The following DIP2C variants were observed in gnomAD, a reference collection of about 807,000 sequenced individuals.
DIP2C encodes the protein disco-interacting protein 2 homolog C.
DIP2C carries 33 observed loss-of-function variants against 192.4 expected under a neutral mutation model. The observed-to-expected ratio is 0.17, with a 90% CI of 0.13 to 0.23. The LOEUF (loss-of-function observed/expected upper bound fraction) is 0.23, where lower values mean the gene tolerates loss of function less well. Among genes scored for constraint, DIP2C ranks in the 10% least tolerant of loss-of-function variants. The pLI is 1.00. For synonymous variants in DIP2C, 979 were observed against 864.1 expected (o/e 1.13, Z -2.33); for missense variants, 1,537 against 2,110.1 (o/e 0.73, Z 5.32).
intron 1 of DIP2C, among the ~76,000 whole-genome samples, chr10:638,441 ACTCT>A (rs761693627): frequency 1.3e-5 from 2 of 152,182 alleles, no homozygotes; most frequent in Non-Finnish European, 2.9e-5. Context: ...AAAAATGGTC[ACTCT>A]AACAGGAAAC....
At chr10:505,883 C>T (rs944111473) in intron 1 of DIP2C, among the ~76,000 whole-genome samples, 1 of 152,224 alleles carries the variant, frequency 6.6e-6, no homozygotes, top group African/African-American at 2.4e-5. Context: ...CATGTGCCTA[C>T]ACTGACAGCT....
chr10:400,051 AT>A (rs1252747804), intron 9 of DIP2C, among the ~76,000 whole-genome samples: 1 of 151,966 alleles, frequency 6.6e-6, no homozygotes, highest in African/African-American at 2.4e-5. Flanking sequence ...AGATATTATG[AT>A]TTTTTTTCTA....
chr10:456,946 A>G (rs1969351728), intron 3 of DIP2C, among the ~76,000 whole-genome samples: 1 of 152,244 alleles, frequency 6.6e-6, no homozygotes, highest in Non-Finnish European at 1.5e-5. Context: ...TGCCATGTCC[A>G]GGCTATTGAT....
chr10:593,275 A>G, intron 1 of DIP2C, among the ~76,000 whole-genome samples: 1 of 151,970 alleles, frequency 6.6e-6, no homozygotes, highest in Non-Finnish European at 1.5e-5. Context: ...ACTTTCCTAA[A>G]TCTGACTTCA....
intron 31 of DIP2C, among the ~76,000 whole-genome samples, chr10:310,299 C>G (rs1956514897): frequency 6.6e-6 from 1 of 152,198 alleles, no homozygotes; most frequent in Non-Finnish European, 1.5e-5. Flanking sequence ...TAGGATAATA[C>G]TGGATTCACA....
chr10:556,862 T>C (rs907939656), intron 1 of DIP2C, among the ~76,000 whole-genome samples: 2 of 152,228 alleles, frequency 1.3e-5, no homozygotes, highest in Non-Finnish European at 2.9e-5. Flanking sequence ...AAGGGATCTG[T>C]GCACCTGAGT....
chr10:624,176 A>T (rs911490554), intron 1 of DIP2C, among the ~76,000 whole-genome samples: 10 of 152,142 alleles, frequency 6.6e-5, no homozygotes, highest in Admixed American at 4.6e-4. Flanking sequence ...GGATGGAGGG[A>T]TCTGTTATCT....
intron 7 of DIP2C, among the ~76,000 whole-genome samples, chr10:415,354 G>A (rs1188573136): frequency 1.3e-5 from 2 of 152,148 alleles, no homozygotes; most frequent in Non-Finnish European, 2.9e-5. Context: ...GGAGCATTCA[G>A]GGGCAAAGGC....
chr10:426,083 T>C (rs1966579377), intron 4 of DIP2C, among the ~76,000 whole-genome samples: 2 of 152,212 alleles, frequency 1.3e-5, no homozygotes, highest in African/African-American at 2.4e-5. Flanking sequence ...AGTGCCTTTA[T>C]TCATAGATGA....
At chr10:428,390 A>G (rs1216872657) in intron 4 of DIP2C, among the ~76,000 whole-genome samples, 2 of 152,148 alleles carry the variant, frequency 1.3e-5, no homozygotes, top group Non-Finnish European at 2.9e-5. Context: ...GTGTCGTTTC[A>G]TCCGTGTTTA....
intron 1 of DIP2C, among the ~76,000 whole-genome samples, chr10:610,525 C>T (rs192332944): frequency 3.3e-5 from 5 of 152,346 alleles, no homozygotes; most frequent in South Asian, 2.1e-4. Context: ...AATATAGGGA[C>T]GTATCAAGGT....
chr10:676,115 A>G (rs1830866640), intron 1 of DIP2C, among the ~76,000 whole-genome samples: 1 of 152,198 alleles, frequency 6.6e-6, no homozygotes, highest in Non-Finnish European at 1.5e-5. Flanking sequence ...ACAAACACAA[A>G]CCAATAAACA....
intron 29 of DIP2C, among the ~76,000 whole-genome samples, chr10:335,384 C>T (rs951061928): frequency 2.0e-5 from 3 of 152,188 alleles, no homozygotes; most frequent in Admixed American, 2.0e-4. Context: ...AACACCTAAG[C>T]CATCAAAATC....
intron 32 of DIP2C, among the ~76,000 whole-genome samples, chr10:308,674 G>A (rs1279351673): frequency 6.6e-6 from 1 of 152,224 alleles, no homozygotes; most frequent in Non-Finnish European, 1.5e-5. Context: ...TGGCCTTGGG[G>A]GCAGGCGTTG....
chr10:482,148 C>A (rs1319494863), intron 2 of DIP2C, among the ~76,000 whole-genome samples: 2 of 152,188 alleles, frequency 1.3e-5, no homozygotes, highest in Non-Finnish European at 2.9e-5. Flanking sequence ...AAGTGCACGG[C>A]CTGAGCAGAG....
chr10:278,824 C>T (rs1954662242), intron 36 of DIP2C, among the ~76,000 whole-genome samples: 1 of 152,076 alleles, frequency 6.6e-6, no homozygotes, highest in South Asian at 2.1e-4. Context: ...GTTTAAGGGC[C>T]CTGACATTCA....
At chr10:619,174 G>A (rs750273150) in intron 1 of DIP2C, among the ~76,000 whole-genome samples, 7 of 152,096 alleles carry the variant, frequency 4.6e-5, no homozygotes, top group East Asian at 1.9e-4. Context: ...TCCCCCTAAC[G>A]CCACTGTGAA....
intron 1 of DIP2C, among the ~76,000 whole-genome samples, chr10:493,497 T>C (rs994505864): frequency 4.6e-5 from 7 of 152,190 alleles, no homozygotes; most frequent in Non-Finnish European, 8.8e-5. Flanking sequence ...CCAGCTTCCA[T>C]TATTTCCAGC....
intron 29 of DIP2C, among the ~76,000 whole-genome samples, chr10:330,786 A>T (rs1316514796): frequency 4.7e-5 from 7 of 149,722 alleles, no homozygotes; most frequent in Admixed American, 4.7e-4. Flanking sequence ...GATTACAGGC[A>T]TGAGCCACCA....
Sources: gnomAD v4.1 joint callset for allele counts (sites outside exome capture counted in the v4.1 genomes callset) on GRCh38, gnomAD v4.1.1 for gene constraint, MANE v1.5 for transcripts, NCBI Gene and HGNC (gene_info 2026-07-23, HGNC 2026-07-21) for gene names.